Variants in NXPH1 observed in about 807,000 individuals in gnomAD.
NXPH1 encodes the protein neurexophilin 1.
A neutral mutation model predicts 23.7 loss-of-function variants in NXPH1; 5 were observed. The observed-to-expected ratio is 0.21, with a 90% CI of 0.11 to 0.44. The LOEUF (loss-of-function observed/expected upper bound fraction) is 0.44, where lower values mean the gene tolerates loss of function less well. Among genes scored for constraint, NXPH1 ranks in the 20% least tolerant of loss-of-function variants. NXPH1 has a pLI of 0.99. For synonymous variants in NXPH1, 144 were observed against 122.2 expected (o/e 1.18, Z -1.18); for missense variants, 324 against 321.6 (o/e 1.01, Z -0.06).
chr7:8,560,044 A>G (rs954269055), intron 2 of NXPH1, among the ~76,000 whole-genome samples: 4 of 151,730 alleles, frequency 2.6e-5, no homozygotes, highest in Admixed American at 2.6e-4. Flanking sequence ...AAAACAAAGA[A>G]GGACTCCTTT....
chr7:8,727,033 T>C (rs1780068041), intron 2 of NXPH1, among the ~76,000 whole-genome samples: 1 of 145,928 alleles, frequency 6.9e-6, no homozygotes. Flanking sequence ...TCATTCTAAC[T>C]GGTGTGAGAT....
chr7:8,545,674 T>C (rs1818187899), intron 2 of NXPH1, among the ~76,000 whole-genome samples: 1 of 151,602 alleles, frequency 6.6e-6, no homozygotes, highest in Admixed American at 6.6e-5. Context: ...AAGGAAATAC[T>C]CAGCTTTATA....
At chr7:8,542,284 A>C (rs1818129867) in intron 2 of NXPH1, among the ~76,000 whole-genome samples, 1 of 151,608 alleles carries the variant, frequency 6.6e-6, no homozygotes, top group African/African-American at 2.4e-5. Flanking sequence ...TTAAATGGTC[A>C]TGTAATTATA....
chr7:8,667,410 C>A (rs1289826938), intron 2 of NXPH1, among the ~76,000 whole-genome samples: 1 of 148,896 alleles, frequency 6.7e-6, no homozygotes, highest in African/African-American at 2.5e-5. Context: ...GGCTTTATCT[C>A]TCCTTTGTTT....
chr7:8,749,251 C>T (rs1446988510), intron 2 of NXPH1, among the ~76,000 whole-genome samples: 4 of 152,206 alleles, frequency 2.6e-5, no homozygotes, highest in Admixed American at 2.6e-4. Context: ...CTCACTCAAT[C>T]CTCACAAACT....
chr7:8,717,758 GA>G (rs1357834513), intron 2 of NXPH1, among the ~76,000 whole-genome samples: 1 of 152,064 alleles, frequency 6.6e-6, no homozygotes, highest in African/African-American at 2.4e-5. Flanking sequence ...GTTTAATAAT[GA>G]CAAACTTCTT....
At chr7:8,665,428 T>C (rs1369459417) in intron 2 of NXPH1, among the ~76,000 whole-genome samples, 5 of 152,096 alleles carry the variant, frequency 3.3e-5, no homozygotes, top group African/African-American at 1.2e-4. Flanking sequence ...TTTTGTAGCA[T>C]ATTTTAAAGA....
intron 2 of NXPH1, among the ~76,000 whole-genome samples, chr7:8,476,637 C>T (rs1389831734): frequency 1.3e-5 from 2 of 151,822 alleles, no homozygotes; most frequent in African/African-American, 4.8e-5. Context: ...AAATGCAATG[C>T]TATACATTAT....
intron 2 of NXPH1, among the ~76,000 whole-genome samples, chr7:8,712,712 A>G (rs1216769278): frequency 1.3e-5 from 2 of 152,202 alleles, no homozygotes; most frequent in Admixed American, 6.5e-5. Flanking sequence ...TGTTATCAGC[A>G]TGAATAATTT....
intron 2 of NXPH1, among the ~76,000 whole-genome samples, chr7:8,468,697 C>G (rs1248301495): frequency 6.6e-6 from 1 of 151,938 alleles, no homozygotes; most frequent in African/African-American, 2.4e-5. Context: ...GGTTAAGTTT[C>G]TATGTTGCTT....
intron 2 of NXPH1, among the ~76,000 whole-genome samples, chr7:8,699,624 G>T (rs191097068): frequency 6.6e-6 from 1 of 152,250 alleles, no homozygotes; most frequent in African/African-American, 2.4e-5. Flanking sequence ...AGTTGCTAGG[G>T]AATAATATAT....
intron 2 of NXPH1, among the ~76,000 whole-genome samples, chr7:8,593,262 A>C (rs1819141554): frequency 6.6e-6 from 1 of 151,598 alleles, no homozygotes; most frequent in East Asian, 1.9e-4. Flanking sequence ...TGCCCTTCAA[A>C]TGGTTTCTCT....
chr7:8,679,097 A>G (rs1212801646), intron 2 of NXPH1, among the ~76,000 whole-genome samples: 7 of 151,218 alleles, frequency 4.6e-5, no homozygotes, highest in Admixed American at 2.6e-4. Context: ...ATAGGCGCCC[A>G]CCACCACGCC....
At chr7:8,710,640 GTTTTTTGTTTTTTTTTTTTT>G (rs1252042370) in intron 2 of NXPH1, among the ~76,000 whole-genome samples, 18 of 27,680 alleles carry the variant, frequency 6.5e-4, no homozygotes, top group East Asian at 2.1e-3. Context: ...CAACTGTTAC[GTTTTTTGTTTTTTTTTTTTT>G]TTTTTTTTTT....
intron 2 of NXPH1, among the ~76,000 whole-genome samples, chr7:8,493,857 G>GT (rs1174310206): frequency 1.3e-5 from 2 of 151,936 alleles, no homozygotes; most frequent in Non-Finnish European, 2.9e-5. Context: ...CTCATTTTCT[G>GT]TAAGTTTTAA....
At chr7:8,596,599 A>G (rs192438128) in intron 2 of NXPH1, among the ~76,000 whole-genome samples, 76 of 152,256 alleles carry the variant, frequency 5.0e-4, no homozygotes, top group Non-Finnish European at 6.9e-4. Context: ...CATAAGTAAC[A>G]CTCATTAAAC....
At chr7:8,717,649 T>C (rs1157029673) in intron 2 of NXPH1, among the ~76,000 whole-genome samples, 1 of 152,198 alleles carries the variant, frequency 6.6e-6, no homozygotes, top group Non-Finnish European at 1.5e-5. Context: ...GAATGAAATC[T>C]TTTGTAATAC....
At chr7:8,665,211 A>G (rs955516587) in intron 2 of NXPH1, among the ~76,000 whole-genome samples, 5 of 152,048 alleles carry the variant, frequency 3.3e-5, no homozygotes, top group African/African-American at 1.2e-4. Context: ...GGTGTAAGAT[A>G]AGGATCTAAT....
At chr7:8,514,421 G>T (rs550566420) in intron 2 of NXPH1, among the ~76,000 whole-genome samples, 1 of 152,122 alleles carries the variant, frequency 6.6e-6, no homozygotes, top group South Asian at 2.1e-4. Context: ...GTTGCACAGC[G>T]AATAGCAGAC....
Sources: gnomAD v4.1 joint callset for allele counts (sites outside exome capture counted in the v4.1 genomes callset) on GRCh38, gnomAD v4.1.1 for gene constraint, MANE v1.5 for transcripts, NCBI Gene and HGNC (gene_info 2026-07-23, HGNC 2026-07-21) for gene names.